Variants in GCLC observed in about 807,000 individuals in gnomAD.
GCLC encodes the protein glutamate--cysteine ligase catalytic subunit.
In GCLC, 30 loss-of-function variants were observed where a neutral mutation model predicts 81.5. The observed-to-expected ratio is 0.37, with a 90% CI of 0.28 to 0.50. The LOEUF (loss-of-function observed/expected upper bound fraction) is 0.50, where lower values mean the gene tolerates loss of function less well. GCLC is among the 20% of genes least tolerant of loss of function. The pLI is 0.96. For missense variants in GCLC, 556 were observed against 777.4 expected (o/e 0.72, Z 3.39); for synonymous variants, 262 against 273.3 (o/e 0.96, Z 0.41).
chr6:53,526,743 A>T (rs1734138470), intron 1 of GCLC, among the ~76,000 whole-genome samples: 2 of 147,638 alleles, frequency 1.4e-5, no homozygotes, highest in Non-Finnish European at 1.5e-5. Flanking sequence ...GCTTGCAGTG[A>T]GCCGAGATCG....
At chr6:53,514,403 TC>T in intron 5 of GCLC, 35 bp downstream of exon 5, 3 of 1,594,634 alleles carry the variant, frequency 1.9e-6, no homozygotes, top group Non-Finnish European at 2.6e-6. Flanking sequence ...ATACAACATG[TC>T]TCTCTCCCAC....
chr6:53,522,560 T>A, intron 1 of GCLC, 33 bp from the exon 2 acceptor site: 1 of 1,356,310 alleles, frequency 7.4e-7, no homozygotes, highest in Non-Finnish European at 1.1e-6. Flanking sequence ...AAATTAACAT[T>A]CTTCCAGACT....
At chr6:53,513,585 G>A (rs1234279173) in intron 6 of GCLC, 3 of 152,426 alleles carry the variant, frequency 2.0e-5, no homozygotes, top group East Asian at 1.9e-4. Context: ...GTGGCCACCT[G>A]ATGGGTTCCA....
At chr6:53,508,765 A>T (rs1025790915) in intron 7 of GCLC, 54 bp from the exon 8 acceptor site, 1 of 1,168,944 alleles carries the variant, frequency 8.6e-7, no homozygotes, top group Non-Finnish European at 1.3e-6. Flanking sequence ...CTTACATGCT[A>T]AAAAAAGCTC....
chr6:53,511,727 T>G (rs1378951560), intron 6 of GCLC, among the ~76,000 whole-genome samples: 1 of 139,240 alleles, frequency 7.2e-6, no homozygotes, highest in Non-Finnish European at 1.5e-5. Context: ...ATGACTAATT[T>G]GGGCTTCTAG....
intron 1 of GCLC, among the ~76,000 whole-genome samples, chr6:53,539,901 A>G (rs1321969362): frequency 1.3e-5 from 2 of 152,190 alleles, no homozygotes; most frequent in Non-Finnish European, 2.9e-5. Context: ...TCACACTTCT[A>G]TTCAGAATGT....
intron 6 of GCLC, chr6:53,509,616 G>A (rs1423702210): frequency 6.3e-6 from 2 of 319,478 alleles, no homozygotes; most frequent in Non-Finnish European, 1.2e-5. Context: ...ATGCAAAAGG[G>A]ATTTGGACAT....
intron 1 of GCLC, among the ~76,000 whole-genome samples, chr6:53,542,792 A>G (rs865776610): frequency 0.021 from 1,209 of 57,292 alleles, 13 homozygotes; most frequent in African/African-American, 0.094. Context: ...GAGGCGGGTG[A>G]AAAGTCAGGA....
chr6:53,538,067 C>T (rs1425180565), intron 1 of GCLC, among the ~76,000 whole-genome samples: 1 of 150,510 alleles, frequency 6.6e-6, no homozygotes, highest in Non-Finnish European at 1.5e-5. Context: ...ATTTATCACT[C>T]AAGACTGTAT....
intron 8 of GCLC, 41 bp from the exon 9 acceptor site, chr6:53,507,659 A>T: frequency 1.2e-6 from 1 of 836,728 alleles, no homozygotes; most frequent in Middle Eastern, 3.4e-4. Context: ...TGCTATATAA[A>T]ATGAGTGGAA....
chr6:53,535,699 C>T (rs996924789), intron 1 of GCLC, among the ~76,000 whole-genome samples: 13 of 152,072 alleles, frequency 8.5e-5, no homozygotes, highest in Admixed American at 2.6e-4. Context: ...CATGACAAAT[C>T]GGCACATAAA....
intron 1 of GCLC, among the ~76,000 whole-genome samples, chr6:53,537,205 A>C (rs1213010764): frequency 6.6e-6 from 1 of 152,240 alleles, no homozygotes; most frequent in African/African-American, 2.4e-5. Context: ...AATCAACTGA[A>C]GTGCTCTCCC....
chr6:53,517,838 G>A (rs150449956), intron 3 of GCLC, among the ~76,000 whole-genome samples: 2,190 of 152,274 alleles, frequency 0.014, 25 homozygotes, highest in Middle Eastern at 0.085. Context: ...TGGCTACTGA[G>A]CCCTTGAAAT....
chr6:53,530,154 A>C (rs1179772941), intron 1 of GCLC, among the ~76,000 whole-genome samples: 1 of 152,258 alleles, frequency 6.6e-6, no homozygotes, highest in East Asian at 1.9e-4. Context: ...TCTAAGTCCA[A>C]AGTGACTGCT....
chr6:53,532,590 T>C (rs1763192049), intron 1 of GCLC, among the ~76,000 whole-genome samples: 1 of 152,182 alleles, frequency 6.6e-6, no homozygotes, highest in Non-Finnish European at 1.5e-5. Context: ...TTTCTATCTC[T>C]GTGAAGCTCT....
At position 53,498,855 on chromosome 6, in the gene GCLC, A is replaced by G; in HGVS notation, c.1815T>C (p.Cys605=). 6.2e-7 allele frequency: 1 copy of G among 1,612,522 alleles called. No individual in the cohort carries two copies. Among genetic ancestry groups the G allele is most frequent in the Admixed American group, 1.7e-5 (1 of 60,030 alleles). ...DEMNYSLILK[C]NQIANELCEC... Reference sequence around the variant, plus strand: ...CACATAATTCATTTGCAATTTGGTTACACTTCAAAATAAGGCTATAATTCA... The same window carrying G: ...CACATAATTCATTTGCAATTTGGTTGCACTTCAAAATAAGGCTATAATTCA... Residue 605 remains cysteine, a synonymous_variant, in exon 16 of 16, where the codon TGT becomes TGC. Transcript: ENST00000650454.
At position 53,502,543 on chromosome 6, in the gene GCLC, T is replaced by A. The variant is rs114823152; in HGVS notation, c.1396-2030A>T. On this transcript the variant is annotated intron_variant, in intron 12 of 15. Transcript: ENST00000650454. Reference sequence around the variant, plus strand: ...TACAAAAAGGACCACAGCTTTCACATCATCTTGGAAGAATATATAAAACTG... The same window carrying A: ...TACAAAAAGGACCACAGCTTTCACAACATCTTGGAAGAATATATAAAACTG... Among the ~76,000 whole-genome samples, 531 of 152,334 alleles carry A rather than the reference T, an allele frequency of 3.5e-3. 1 individual carries two copies. The highest frequency in any genetic ancestry group is 0.012 in the African/African-American group (504 of 41,564).
chr6:53,539,712 A>G (rs1763320210), intron 1 of GCLC, among the ~76,000 whole-genome samples: 1 of 152,098 alleles, frequency 6.6e-6, no homozygotes, highest in African/African-American at 2.4e-5. Context: ...TCACATCCAA[A>G]ACACCACTTT....
intron 6 of GCLC, 22 bp from the exon 7 acceptor site, chr6:53,509,272 A>G: frequency 1.4e-6 from 2 of 1,418,866 alleles, no homozygotes; most frequent in Non-Finnish European, 2.0e-6. Context: ...TTGCAAAGTT[A>G]TTAACACCAA....
Sources: allele counts gnomAD v4.1 joint callset (sites outside exome capture counted in the v4.1 genomes callset), GRCh38; gene constraint gnomAD v4.1.1; transcripts MANE v1.5; gene names NCBI Gene and HGNC (gene_info 2026-07-23, HGNC 2026-07-21).